The following CRYBG1 variants were observed in gnomAD, a reference collection of about 807,000 sequenced individuals.
CRYBG1 encodes the protein crystallin beta-gamma domain containing 1.
CRYBG1 carries 139 observed loss-of-function variants against 189.2 expected under a neutral mutation model. The observed-to-expected ratio is 0.73, with a 90% confidence interval of 0.64 to 0.85. The LOEUF is 0.85. Among genes scored for constraint, CRYBG1 ranks in the 40% least tolerant of loss-of-function variants. The probability of loss-of-function intolerance (pLI) is 0.00; values close to 1 mark genes in which losing one functional copy is unlikely to be tolerated. For synonymous variants in CRYBG1, 1,023 were observed against 1,017.1 expected, an observed-to-expected ratio of 1.01 and a Z score of -0.11; for missense variants, 2,611 against 2,675.8, an observed-to-expected ratio of 0.98 and a Z score of 0.53.
chr6:106,368,235 T>A (rs1769935025), intron 1 of CRYBG1, among the ~76,000 whole-genome samples: 1 of 151,942 alleles, frequency 6.6e-6, no homozygotes, highest in South Asian at 2.1e-4. Flanking sequence ...CTGGTCAACA[T>A]AGCGAGATCC....
At chr6:106,530,880 C>T (rs1773863481) in intron 8 of CRYBG1, among the ~76,000 whole-genome samples, 1 of 152,134 alleles carries the variant, frequency 6.6e-6, no homozygotes, top group Non-Finnish European at 1.5e-5. Flanking sequence ...GCACAAAGCC[C>T]CAAGGCATGT....
chr6:106,383,358 A>T (rs1178400741), intron 1 of CRYBG1, among the ~76,000 whole-genome samples: 1 of 152,206 alleles, frequency 6.6e-6, no homozygotes, highest in African/African-American at 2.4e-5. Flanking sequence ...CCCAAAAGGG[A>T]CTTGCCAAGG....
At chr6:106,530,920 AC>A (rs1773864506) in intron 8 of CRYBG1, among the ~76,000 whole-genome samples, 1 of 152,216 alleles carries the variant, frequency 6.6e-6, no homozygotes, top group South Asian at 2.1e-4. Context: ...GCAGGAAAAA[AC>A]ACTAAAGCTT....
intron 2 of CRYBG1, among the ~76,000 whole-genome samples, chr6:106,462,830 C>T (rs1772040406): frequency 6.6e-6 from 1 of 152,170 alleles, no homozygotes; most frequent in Non-Finnish European, 1.5e-5. Context: ...TTAACCCAGA[C>T]TTTACTCATT....
chr6:106,530,384 C>A, intron 8 of CRYBG1, 69 bp downstream of exon 8: 1 of 1,406,486 alleles, frequency 7.1e-7, no homozygotes, highest in Non-Finnish European at 9.6e-7. Context: ...AAAAAGAGGA[C>A]TTAAGATACT....
chr6:106,549,066 C>T (rs1441921786), intron 13 of CRYBG1, among the ~76,000 whole-genome samples: 1 of 152,046 alleles, frequency 6.6e-6, no homozygotes, highest in Non-Finnish European at 1.5e-5. Flanking sequence ...CTACAAAGGA[C>T]ATGAACTCAT....
At chr6:106,533,767 C>A (rs1377154715) in intron 8 of CRYBG1, among the ~76,000 whole-genome samples, 1 of 152,088 alleles carries the variant, frequency 6.6e-6, no homozygotes, top group Admixed American at 6.6e-5. Flanking sequence ...GATTCAGGAG[C>A]TCAGTTTTGG....
chr6:106,491,594 C>T (rs1363184921), intron 2 of CRYBG1, among the ~76,000 whole-genome samples: 1 of 152,100 alleles, frequency 6.6e-6, no homozygotes, highest in African/African-American at 2.4e-5. Flanking sequence ...CATGGAGTTC[C>T]TTTGGATTCA....
chr6:106,522,462 TTTCTGCATCTTCTTTTATC>T (rs1170771682), intron 4 of CRYBG1, among the ~76,000 whole-genome samples: 3 of 152,250 alleles, frequency 2.0e-5, no homozygotes, highest in African/African-American at 7.2e-5. Context: ...ATAATTTTGA[TTTCTGCATCTTCTTTTATC>T]TCACTTCAGA....
chr6:106,445,046 A>G (rs575742834), intron 1 of CRYBG1, among the ~76,000 whole-genome samples: 10 of 152,274 alleles, frequency 6.6e-5, no homozygotes, highest in African/African-American at 2.2e-4. Flanking sequence ...TGCAATCAGG[A>G]AGTAGAGGCT....
intron 1 of CRYBG1, among the ~76,000 whole-genome samples, chr6:106,406,547 A>G (rs1698032): frequency 1.3e-5 from 2 of 152,244 alleles, no homozygotes; most frequent in African/African-American, 4.8e-5. Flanking sequence ...CACCACAAAG[A>G]TACTCCTCAA....
At position 106,551,907 on chromosome 6, in the gene CRYBG1, G is replaced by A. The variant is rs754833599; in HGVS notation, c.5368G>A (p.Gly1790Arg). ...AGGAGAACAGTATATACTGGATAAA[G>A]GATTTTATACCAGTTTTGAGGACTG... The part of the protein sequence containing the change: ...FTGEQYILDK[G>R]FYTSFEDWGG... The change falls in exon 14 of 22, where the codon GGA (glycine) becomes AGA (arginine). Residue 1790 changes from glycine to arginine, a missense_variant. Gly to Arg is a moderately radical substitution (Grantham distance 125). Around this residue, in one of 3 missense-constraint regions of CRYBG1, gnomAD observed 1,622 missense variants for 1,735.0 expected, o/e 0.93. Coordinates refer to ENST00000633556, the MANE Select transcript of CRYBG1 (RefSeq NM_001371242.2). The A allele has an allele frequency of 1.2e-6, 2 of 1,610,936 alleles. No individual in the cohort carries two copies. Among genetic ancestry groups the A allele is most frequent in the East Asian group, 2.2e-5 (1 of 44,764 alleles).
intron 1 of CRYBG1, among the ~76,000 whole-genome samples, chr6:106,416,071 C>A (rs1044916816): frequency 2.0e-5 from 3 of 152,172 alleles, no homozygotes; most frequent in South Asian, 4.1e-4. Flanking sequence ...CTGTTCCCCC[C>A]ACCCAAGACT....
chr6:106,533,966 C>T (rs945902098), intron 8 of CRYBG1, among the ~76,000 whole-genome samples: 2 of 152,128 alleles, frequency 1.3e-5, no homozygotes, highest in African/African-American at 2.4e-5. Flanking sequence ...AGAGAAGGCA[C>T]TTTTGTATTT....
At chr6:106,526,708 G>A (rs2114549895) in intron 6 of CRYBG1, among the ~76,000 whole-genome samples, 1 of 152,064 alleles carries the variant, frequency 6.6e-6, no homozygotes, top group Non-Finnish European at 1.5e-5. Flanking sequence ...TTGGGAGGCC[G>A]AGGTGGGCAG....
chr6:106,365,440 CGAAA>C (rs1771967699), intron 1 of CRYBG1, among the ~76,000 whole-genome samples: 2 of 100,422 alleles, frequency 2.0e-5, no homozygotes, highest in Admixed American at 2.6e-4. Context: ...AAAAGCAAAA[CGAAA>C]CAAAACCAAA....
chr6:106,384,263 A>G (rs1393623482), intron 1 of CRYBG1, among the ~76,000 whole-genome samples: 1 of 152,184 alleles, frequency 6.6e-6, no homozygotes, highest in Non-Finnish European at 1.5e-5. Flanking sequence ...TCTTTAGAGC[A>G]GTGGTCCCCA....
intron 2 of CRYBG1, among the ~76,000 whole-genome samples, chr6:106,498,406 G>A (rs1049471979): frequency 2.0e-4 from 30 of 152,094 alleles, no homozygotes; most frequent in African/African-American, 6.5e-4. Flanking sequence ...AATCCGGAAC[G>A]CCATAATCCC....
At chr6:106,438,459 C>G (rs907561946) in intron 1 of CRYBG1, among the ~76,000 whole-genome samples, 5 of 152,106 alleles carry the variant, frequency 3.3e-5, no homozygotes, top group African/African-American at 1.2e-4. Flanking sequence ...TCTGAAGGCT[C>G]TAGGGAAGGA....
Sources: allele counts gnomAD v4.1 joint callset (sites outside exome capture counted in the v4.1 genomes callset), GRCh38; gene constraint gnomAD v4.1.1; regional missense constraint gnomAD v4.1.1; transcripts MANE v1.5; gene names NCBI Gene and HGNC (gene_info 2026-07-23, HGNC 2026-07-21).